The following KMT2A variants were observed in gnomAD, a reference collection of about 807,000 sequenced individuals.
KMT2A encodes the protein histone-lysine N-methyltransferase 2A.
Under a neutral mutation model 345.3 loss-of-function variants are expected in KMT2A, and 16 were observed. The ratio of observed to expected loss-of-function variants is 0.05; its 90% CI spans 0.03 to 0.07. The LOEUF (loss-of-function observed/expected upper bound fraction) is 0.07, where lower values mean the gene tolerates loss of function less well. Ranked by LOEUF, KMT2A falls within the 10% of genes least tolerant of loss-of-function variation. KMT2A has a pLI of 1.00. For synonymous variants in KMT2A, 1,599 were observed against 1,778.6 expected (o/e 0.90, Z 2.54); for missense variants, 3,272 against 4,841.6 (o/e 0.68, Z 9.62).
intron 8 of KMT2A, among the ~76,000 whole-genome samples, chr11:118,483,328 C>G (rs1383130499): frequency 6.6e-6 from 1 of 151,070 alleles, no homozygotes; most frequent in Non-Finnish European, 1.5e-5. Flanking sequence ...GGCAGGAGAT[C>G]GAGACCATCC....
Position 118,498,081 on chromosome 11 carries a change from C to G in KMT2A, c.5802+8C>G. 6.2e-7 allele frequency: 1 copy of G among 1,610,568 alleles called. No homozygotes were observed. The highest frequency in any genetic ancestry group is 8.5e-7 in the Non-Finnish European group (1 of 1,178,636). On this transcript the variant is annotated splice_region_variant and intron_variant, in intron 21 of 35. Transcript: ENST00000534358. This position sits in a 1 kb window ranked among gnomAD's most constrained non-coding sequence, Gnocchi z 4.4. ...ATCAGGGGCAAGCAGCTGGTAAGAC[C>G]TTATGGGTAAATTTTATGAAAGAGA... is the stretch of plus-strand genomic sequence containing the variant.
In KMT2A at chr11:118,506,130, G is replaced by C; in HGVS notation, c.10238G>C (p.Gly3413Ala). ...AGTTCAGGAATGTTTCCACAACTGG[G>C]GACATCACAGACCCCCTCTACTGCT... ...PPSSGMFPQL[G>A]TSQTPSTAAI... Residue 3413 changes from glycine (G) to alanine (A), a missense_variant, in exon 27 of 36, where the codon GGG (glycine) becomes GCG (alanine). This residue lies in a region of KMT2A where 748 missense variants were observed against 922.2 expected (regional missense o/e 0.81). Coordinates refer to ENST00000534358, the MANE Select transcript of KMT2A (RefSeq NM_001197104.2). The C allele has an allele frequency of 6.2e-7, 1 of 1,614,148 alleles. No individual in the cohort carries two copies. The highest frequency in any genetic ancestry group is 1.1e-5 in the South Asian group (1 of 91,082).
At chr11:118,486,077 C>T (rs551819015) in intron 10 of KMT2A, among the ~76,000 whole-genome samples, 111 of 151,168 alleles carry the variant, frequency 7.3e-4, no homozygotes, top group African/African-American at 2.7e-3. Flanking sequence ...AGCAAGACTC[C>T]GTCTCAAAAA....
rs1950402080 is a variant in KMT2A at position 118,495,921 on chromosome 11, C to G, written c.5557+28C>G. On this transcript the variant is annotated intron_variant, in intron 19 of 35. Coordinates refer to ENST00000534358, the MANE Select transcript of KMT2A (RefSeq NM_001197104.2). This position sits in a 1 kb window ranked among gnomAD's most constrained non-coding sequence, Gnocchi z 4.1. ...AAGCCACCAAAAGGAGAGTCGTCAC[C>G]CATTTCCCTCTAGATGCAGATGATT... 6.5e-7 allele frequency: 1 copy of G among 1,545,828 alleles called. No individual in the cohort carries two copies. The highest frequency in any genetic ancestry group is 1.2e-5 in the South Asian group (1 of 85,660).
At position 118,494,364 on chromosome 11, in the gene KMT2A, A is replaced by G. The variant is rs782090027; in HGVS notation, c.5255A>G (p.Lys1752Arg). 1 of 1,606,230 alleles carries G rather than the reference A, an allele frequency of 6.2e-7. No individual in the cohort carries two copies. Among genetic ancestry groups the G allele is most frequent in the Non-Finnish European group, 8.5e-7 (1 of 1,172,850 alleles). Residue 1752 changes from lysine to arginine, a missense_variant, in exon 17 of 36, where the codon AAA becomes AGA. By Grantham distance (26) the Lys-to-Arg change is conservative. This residue lies in a region of KMT2A where 235 missense variants were observed against 503.4 expected (regional missense o/e 0.47). Transcript: ENST00000534358. This position sits in a 1 kb window ranked among gnomAD's most constrained non-coding sequence, Gnocchi z 5.8. ...GATGGAGGACAGCCAGAAATTAAAAAAGCCAACAGCATGGTCAAGTCCTTC... is the reference window on the plus strand; with the variant it reads ...GATGGAGGACAGCCAGAAATTAAAAGAGCCAACAGCATGGTCAAGTCCTTC... ...NSDGGQPEIKKANSMVKSFFI... is the reference protein window; with the variant it reads ...NSDGGQPEIKRANSMVKSFFI...
At chr11:118,482,114 G>C in intron 7 of KMT2A, 22 bp downstream of exon 7, 1 of 1,574,386 alleles carries the variant, frequency 6.4e-7, no homozygotes. Context: ...GGGCAAGAAG[G>C]AATTGCTGAA....
chr11:118,445,920 C>T (rs1949410155), intron 1 of KMT2A, among the ~76,000 whole-genome samples: 7 of 151,964 alleles, frequency 4.6e-5, no homozygotes, highest in Non-Finnish European at 1.5e-5. Context: ...AGGAGAATCG[C>T]CTGAACCCAG....
chr11:118,481,897 G>A lies in KMT2A; in HGVS notation c.3817G>A (p.Glu1273Lys), dbSNP rs1186747717. The A allele has an allele frequency of 1.2e-6, 2 of 1,614,232 alleles. No homozygotes were observed. The highest frequency in any genetic ancestry group is 1.7e-6 in the Non-Finnish European group (2 of 1,180,050). The part of the protein sequence containing the change: ...PRKPVEEKSE[E>K]GNVSAPGPES... ...AAAGCCCGTCGAGGAAAAGAGTGAA[G>A]AAGGGAATGTCTCGGCCCCTGGGCC... is the stretch of plus-strand genomic sequence containing the variant. Residue 1273 changes from glutamate to lysine, a missense_variant, in exon 7 of 36, where the codon GAA (glutamate) becomes AAA (lysine). Glu to Lys is a moderately conservative substitution (Grantham distance 56). Transcript: ENST00000534358.
At chr11:118,489,173 C>T (rs2134329994) in intron 11 of KMT2A, among the ~76,000 whole-genome samples, 1 of 146,890 alleles carries the variant, frequency 6.8e-6, no homozygotes, top group African/African-American at 2.5e-5. Flanking sequence ...CAGTGAGCCA[C>T]TCCAGCCTGT....
At chr11:118,501,937 T>A in intron 26 of KMT2A, 80 bp downstream of exon 26, 1 of 1,208,586 alleles carries the variant, frequency 8.3e-7, no homozygotes. Context: ...CAACTTTATC[T>A]TGGTGACTTT....
rs144228979 is a variant in KMT2A, at chr11:118,499,571, G to A, written c.6079+151G>A. 2.3e-4 allele frequency: 160 copies of A among 685,064 alleles called. No individual in the cohort carries two copies. In the East Asian group the frequency reaches 4.0e-3, roughly 17 times the overall value. The allele number at this position is 685,064 out of a possible 1,614,324, so 42.4% of individuals were successfully genotyped here. ...GGCTGAGGCGGGCAGATCACTGGAG[G>A]TTCAGGAGTTGGAGAACAGCCTGGC... On this transcript the variant is annotated intron_variant, in intron 23 of 35. Coordinates refer to ENST00000534358, the MANE Select transcript of KMT2A (RefSeq NM_001197104.2).
chr11:118,472,269 C>T lies in KMT2A; in HGVS notation c.1110C>T (p.Thr370=). ...CTTCTTCAAAAAGGACAGATGCAAC[C>T]ATTGCTAAGCAACTCTTACAGAGGG... The part of the protein sequence containing the change: ...IIPSSKRTDA[T]IAKQLLQRAK... Residue 370 remains threonine (T), a synonymous_variant, in exon 3 of 36, where the codon ACC becomes ACT. Coordinates refer to ENST00000534358, the MANE Select transcript of KMT2A (RefSeq NM_001197104.2). The T allele has an allele frequency of 6.2e-7, 1 of 1,614,068 alleles. No homozygotes were observed. Among genetic ancestry groups the T allele is most frequent in the Non-Finnish European group, 8.5e-7 (1 of 1,180,030 alleles).
In KMT2A at chr11:118,473,697, A is replaced by T; in HGVS notation, c.2538A>T (p.Glu846Asp). The T allele has an allele frequency of 1.2e-6, 2 of 1,614,158 alleles. No individual in the cohort carries two copies. Among genetic ancestry groups the T allele is most frequent in the Non-Finnish European group, 1.7e-6 (2 of 1,180,028 alleles). Residue 846 changes from glutamate to aspartate, a missense_variant, in exon 3 of 36, where the codon GAA becomes GAT. Physicochemically the swap from Glu to Asp is conservative, Grantham distance 45. Around this residue, in one of 27 missense-constraint regions of KMT2A, gnomAD observed 209 missense variants for 237.4 expected, o/e 0.88. Coordinates refer to ENST00000534358, the MANE Select transcript of KMT2A (RefSeq NM_001197104.2). This position sits in a 1 kb window ranked among gnomAD's most constrained non-coding sequence, Gnocchi z 5.2. ...FPWFTPGSQT[E>D]RGRNKDKAPE... ...GGTTTACCCCAGGCTCTCAGACTGA[A>T]AGAGGGAGAAATAAAGACAAGGCCC...
Position 118,520,166 on chromosome 11 carries a change from A to C in KMT2A, c.11429+102A>C. ...TTGTTTGCATCAGAATTTCCTGGAT[A>C]AGATTTAAAAGGACTGAAAACCATT... On this transcript the variant is annotated intron_variant, in intron 33 of 35. Coordinates refer to ENST00000534358, the MANE Select transcript of KMT2A (RefSeq NM_001197104.2). This position sits in a 1 kb window ranked among gnomAD's most constrained non-coding sequence, Gnocchi z 4.3. 1 of 759,038 alleles carries C rather than the reference A, an allele frequency of 1.3e-6. No homozygotes were observed. Among genetic ancestry groups the C allele is most frequent in the Non-Finnish European group, 2.2e-6 (1 of 459,164 alleles). 47.0% of individuals were successfully genotyped at this position (759,038 alleles called of 1,614,324 possible). A position where few individuals can be genotyped will look rare whatever the true frequency, so the allele number is the denominator to read the frequency against.
At chr11:118,509,325 G>C in intron 29 of KMT2A, 125 bp downstream of exon 29, 2 of 769,250 alleles carry the variant, frequency 2.6e-6, no homozygotes, top group Non-Finnish European at 4.1e-6. Flanking sequence ...AAGAAGTTAA[G>C]TGATTTGGCC....
At position 118,510,571 on chromosome 11, in the gene KMT2A, C is replaced by T. The variant is rs1468856371; in HGVS notation, c.11071+453C>T. On this transcript the variant is annotated intron_variant, in intron 30 of 35. Transcript: ENST00000534358. The surrounding 1 kb of genome is among the most constrained non-coding windows in gnomAD (Gnocchi z 4.1). ...TGACCTTCTGAGGTAGCTAAGCCCT[C>T]CCTCTCCCTCCTTTTGAATCTTACA... is the stretch of plus-strand genomic sequence containing the variant. 6.6e-6 allele frequency among the ~76,000 whole-genome samples: 1 copy of T among 152,192 alleles called. No individual in the cohort carries two copies. Among genetic ancestry groups the T allele is most frequent in the African/African-American group, 2.4e-5 (1 of 41,440 alleles).
chr11:118,495,536 A>G lies in KMT2A; in HGVS notation c.5364-164A>G, dbSNP rs531496642. ...CATATGTTGAGATATTTTTTAAAAT[A>G]TTGAGTTCTGTGTACTTCAGCAATT... On this transcript the variant is annotated intron_variant, in intron 18 of 35. Coordinates refer to ENST00000534358, the MANE Select transcript of KMT2A (RefSeq NM_001197104.2). This position sits in a 1 kb window ranked among gnomAD's most constrained non-coding sequence, Gnocchi z 4.1. Among the ~76,000 whole-genome samples the G allele has an allele frequency of 6.6e-6, 1 of 152,306 alleles. No individual in the cohort carries two copies. The highest frequency in any genetic ancestry group is 2.4e-5 in the African/African-American group (1 of 41,566).
At chr11:118,516,384 G>A (rs1555051573) in intron 31 of KMT2A, among the ~76,000 whole-genome samples, 1 of 152,130 alleles carries the variant, frequency 6.6e-6, no homozygotes, top group East Asian at 1.9e-4. Flanking sequence ...TGAGGAAGGA[G>A]AGTTTGAGCT....
chr11:118,477,558 AG>A (rs1340103047), intron 4 of KMT2A, among the ~76,000 whole-genome samples: 1 of 109,194 alleles, frequency 9.2e-6, no homozygotes, highest in Admixed American at 1.5e-4. Flanking sequence ...CCCAAGCTGG[AG>A]TACAGTGGTG....
Sources: gnomAD v4.1 joint callset for allele counts (sites outside exome capture counted in the v4.1 genomes callset) on GRCh38, gnomAD v4.1.1 for gene constraint, gnomAD v4.1.1 regional missense constraint, Gnocchi (gnomAD v3.1) non-coding constraint, MANE v1.5 for transcripts, NCBI Gene and HGNC (gene_info 2026-07-23, HGNC 2026-07-21) for gene names.